ENTREP2: variants seen among roughly 807,000 people sequenced by gnomAD.
ENTREP2 encodes endosomal transmembrane epsin interactor 2.
the ENTREP2 span, among the ~76,000 whole-genome samples, chr15:29,405,672 T>C: frequency 6.6e-6 from 1 of 152,194 alleles, no homozygotes; most frequent in African/African-American, 2.4e-5. Context: ...GCACCTGCCT[T>C]TGGCTGCTCA....
chr15:29,657,483 C>CGGGGGGGCGGGG, the ENTREP2 span, among the ~76,000 whole-genome samples: 1 of 69,434 alleles, frequency 1.4e-5, no homozygotes, highest in South Asian at 5.5e-4. Context: ...GCTGGGGGGG[C>CGGGGGGGCGGGG]GGGGGGGGGG....
chr15:29,608,503 C>T, the ENTREP2 span, among the ~76,000 whole-genome samples: 886 of 147,820 alleles, frequency 6.0e-3, 7 homozygotes, highest in Middle Eastern at 0.011. Flanking sequence ...CCTGCCTCCT[C>T]CTGCCTCCTC....
the ENTREP2 span, among the ~76,000 whole-genome samples, chr15:29,156,179 T>TTTTTGTTTTG: frequency 1.6e-4 from 25 of 151,820 alleles, no homozygotes; most frequent in East Asian, 1.2e-3. Flanking sequence ...GGTGGTGGCG[T>TTTTTGTTTTG]TTTTGTTTTG....
the ENTREP2 span, among the ~76,000 whole-genome samples, chr15:29,657,483 C>CAGGGCGGGGCG: frequency 5.8e-5 from 4 of 69,434 alleles, no homozygotes; most frequent in Non-Finnish European, 8.4e-5. Context: ...GCTGGGGGGG[C>CAGGGCGGGGCG]GGGGGGGGGG....
At chr15:29,337,715 C>G in the ENTREP2 span, among the ~76,000 whole-genome samples, 1 of 152,110 alleles carries the variant, frequency 6.6e-6, no homozygotes, top group Non-Finnish European at 1.5e-5. Flanking sequence ...TTCCACGTGC[C>G]AGGTCCTGCC....
the ENTREP2 span, among the ~76,000 whole-genome samples, chr15:29,477,851 C>T: frequency 3.3e-5 from 5 of 151,824 alleles, no homozygotes; most frequent in African/African-American, 9.7e-5. Context: ...GGATGGCCCT[C>T]ACTGGTCAAT....
At chr15:29,269,132 T>C in the ENTREP2 span, 1 of 1,614,164 alleles carries the variant, frequency 6.2e-7, no homozygotes, top group South Asian at 1.1e-5. Context: ...TCCTTGATGG[T>C]GTTGCCCTTC....
the ENTREP2 span, chr15:29,126,147 A>C: frequency 1.2e-6 from 1 of 817,208 alleles, no homozygotes; most frequent in South Asian, 2.1e-5. Flanking sequence ...CCACATTCCC[A>C]GTGTGGCCCC....
chr15:29,416,445 T>G, the ENTREP2 span, among the ~76,000 whole-genome samples: 3 of 152,234 alleles, frequency 2.0e-5, no homozygotes, highest in Non-Finnish European at 4.4e-5. Flanking sequence ...GCTAGTCATA[T>G]GCAGAAAGCT....
the ENTREP2 span, among the ~76,000 whole-genome samples, chr15:29,486,914 G>A: frequency 6.6e-6 from 1 of 151,994 alleles, no homozygotes; most frequent in Admixed American, 6.6e-5. Flanking sequence ...GATGATGAGA[G>A]GTTGGTTAAT....
chr15:29,588,052 A>G, the ENTREP2 span, among the ~76,000 whole-genome samples: 1 of 152,246 alleles, frequency 6.6e-6, no homozygotes, highest in Non-Finnish European at 1.5e-5. Flanking sequence ...TAGTTAAAAG[A>G]TACAGGCACT....
chr15:29,171,950 T>C, the ENTREP2 span, among the ~76,000 whole-genome samples: 1 of 152,208 alleles, frequency 6.6e-6, no homozygotes, highest in Non-Finnish European at 1.5e-5. Context: ...AAACAGCTCC[T>C]CTTGCAGTGC....
the ENTREP2 span, among the ~76,000 whole-genome samples, chr15:29,616,525 A>G: frequency 6.6e-6 from 1 of 152,192 alleles, no homozygotes; most frequent in East Asian, 1.9e-4. Flanking sequence ...CAAAATGTTA[A>G]CCTGGCTGTG....
the ENTREP2 span, among the ~76,000 whole-genome samples, chr15:29,293,830 A>C: frequency 6.6e-6 from 1 of 152,202 alleles, no homozygotes; most frequent in African/African-American, 2.4e-5. Flanking sequence ...ACACCATGCC[A>C]AGTCCAGGTA....
the ENTREP2 span, among the ~76,000 whole-genome samples, chr15:29,333,568 C>T: frequency 7.2e-5 from 11 of 152,312 alleles, no homozygotes; most frequent in Admixed American, 3.9e-4. Context: ...AGACCCTATC[C>T]CTCCAGCAGG....
chr15:29,477,466 A>C, the ENTREP2 span, among the ~76,000 whole-genome samples: 1 of 152,226 alleles, frequency 6.6e-6, no homozygotes, highest in African/African-American at 2.4e-5. Context: ...GAGACAAAGA[A>C]ATGAAGATTC....
chr15:29,636,122 C>T, the ENTREP2 span, among the ~76,000 whole-genome samples: 83 of 152,350 alleles, frequency 5.4e-4, no homozygotes, highest in East Asian at 8.7e-3. Context: ...CTCTTTGCAG[C>T]TCATTCCAAG....
chr15:29,614,317 A>T, the ENTREP2 span: 1 of 152,516 alleles, frequency 6.6e-6, no homozygotes. Context: ...TCAGTGAGGA[A>T]GCCCAGTGGG....
the ENTREP2 span, among the ~76,000 whole-genome samples, chr15:29,573,372 C>T: frequency 2.0e-5 from 3 of 152,138 alleles, no homozygotes; most frequent in Non-Finnish European, 1.5e-5. Flanking sequence ...ACAGAGTTTA[C>T]TTAAACAATG....
Sources: allele counts gnomAD v4.1 joint callset (sites outside exome capture counted in the v4.1 genomes callset), GRCh38; gene constraint gnomAD v4.1.1; transcripts MANE v1.5; gene names NCBI Gene and HGNC (gene_info 2026-07-23, HGNC 2026-07-21).